The following STAG3 variants were observed in gnomAD, a reference collection of about 807,000 sequenced individuals.
STAG3 encodes the protein STAG3 cohesin complex component, also known as cohesin subunit SA-3.
A neutral mutation model predicts 160.7 loss-of-function variants in STAG3; 101 were observed. That is an observed-to-expected ratio of 0.63 (90% CI 0.54 to 0.74). STAG3 has a LOEUF of 0.74. Among genes scored for constraint, STAG3 ranks in the 30% least tolerant of loss-of-function variants. STAG3 has a pLI of 0.00. For missense variants in STAG3, 1,188 were observed against 1,517.4 expected, an observed-to-expected ratio of 0.78 and a Z score of 3.61; for synonymous variants, 519 against 585.0, an observed-to-expected ratio of 0.89 and a Z score of 1.63.
chr7:100,214,780 T>C (rs1397575519), downstream of STAG3, among the ~76,000 whole-genome samples: 1 of 152,126 alleles, frequency 6.6e-6, no homozygotes, highest in Non-Finnish European at 1.5e-5. Flanking sequence ...TGGAATTTGA[T>C]CAAATCACAG....
At chr7:100,203,941 C>T in intron 25 of STAG3, 80 bp from the exon 26 acceptor site, 2 of 893,570 alleles carry the variant, frequency 2.2e-6, no homozygotes, top group South Asian at 1.4e-5. Context: ...GGGAGGGAGA[C>T]ATGATTAGGG....
chr7:100,188,515 G>C lies in STAG3; in HGVS notation c.496G>C (p.Glu166Gln). The part of the protein sequence containing the change: ...SNSEIIQHLT[E>Q]QFNEDSGDYP... ...CTCAGAGATCATCCAGCACCTAACA[G>C]AGCAGTTTAATGAGGTGGAAGAAGA... Residue 166 changes from glutamate to glutamine, a missense_variant, in exon 6 of 34, where the codon GAG becomes CAG. Physicochemically the swap from Glu to Gln is conservative, Grantham distance 29 (BLOSUM62 2). Around this residue, in one of 4 missense-constraint regions of STAG3, gnomAD observed 296 missense variants for 404.0 expected, o/e 0.73. Transcript: ENST00000615138. 1 of 1,613,258 alleles carries C rather than the reference G, an allele frequency of 6.2e-7. No homozygotes were observed. Among genetic ancestry groups the C allele is most frequent in the Non-Finnish European group, 8.5e-7 (1 of 1,179,186 alleles).
intron 11 of STAG3, 84 bp from the exon 12 acceptor site, chr7:100,198,003 C>T: frequency 6.5e-7 from 1 of 1,538,402 alleles, no homozygotes. Context: ...CGTAGGCACT[C>T]TCTTTAGGAG....
chr7:100,212,084 C>CAAAA, intron 32 of STAG3: 1 of 506,274 alleles, frequency 2.0e-6, no homozygotes, highest in East Asian at 3.3e-5. Context: ...ATTACAAATA[C>CAAAA]CAAAGAAGGT....
In STAG3 at chr7:100,186,233, C is replaced by T. The variant is rs745709659; in HGVS notation, c.370C>T (p.Gln124Ter). Reference protein sequence around the residue: ...LVDEWLDSYKQDQDAGFLELV... With the variant: ...LVDEWLDSYK ...AGATGAGTGGCTGGATAGCTACAAG[C>T]AAGACCAGGATGCAGGATTTCTGGA... is the stretch of plus-strand genomic sequence containing the variant. Residue 124 changes from glutamine to a stop codon, truncating the protein, a stop_gained, in exon 5 of 34, where the codon CAA becomes TAA. Coordinates refer to ENST00000615138, the MANE Select transcript of STAG3 (RefSeq NM_001282717.2). LOFTEE classifies it high-confidence loss of function. 2 of 1,613,948 alleles carry T rather than the reference C, an allele frequency of 1.2e-6. No homozygotes were observed. The highest frequency in any genetic ancestry group is 2.7e-5 in the African/African-American group (2 of 74,890).
Position 100,211,510 on chromosome 7 carries a change from A to G in STAG3, c.3489A>G (p.Ser1163=), listed in dbSNP as rs763041959. The G allele has an allele frequency of 1.2e-6, 2 of 1,613,090 alleles. No individual in the cohort carries two copies. Among genetic ancestry groups the G allele is most frequent in the African/African-American group, 2.7e-5 (2 of 74,586 alleles). The part of the protein sequence containing the change: ...PQYFQTPHNP[S]GPGLGNQLMR... Reference sequence around the variant, plus strand: ...ATTTCCAGACTCCACACAACCCTTCAGGTCCTGGCCTGGGCAACCAGCTGA... The same window carrying G: ...ATTTCCAGACTCCACACAACCCTTCGGGTCCTGGCCTGGGCAACCAGCTGA... Residue 1163 remains serine, a synonymous_variant, in exon 31 of 34, where the codon TCA becomes TCG. Transcript: ENST00000615138.
intron 8 of STAG3, among the ~76,000 whole-genome samples, chr7:100,194,862 G>T (rs780037197): frequency 6.6e-6 from 1 of 152,110 alleles, no homozygotes; most frequent in Non-Finnish European, 1.5e-5. Context: ...TAATGAAAAG[G>T]TTTGAAATAT....
In STAG3 at chr7:100,211,117, C is replaced by A; in HGVS notation, c.3345C>A (p.Ser1115Arg). The A allele has an allele frequency of 6.2e-7, 1 of 1,610,780 alleles. No individual in the cohort carries two copies. The highest frequency in any genetic ancestry group is 8.5e-7 in the Non-Finnish European group (1 of 1,178,686). ...CCCTCACCTCCACAGCTGTGAAGAG[C>A]AGGCAGCCCCTGTGGGGGTTGAAAG... ...TPTLTSTAVK[S>R]RQPLWGLKEM... The change falls in exon 30 of 34, where the codon AGC (serine) becomes AGA (arginine). Residue 1115 changes from serine (S) to arginine (R), a missense_variant. Transcript: ENST00000615138.
At chr7:100,192,190 C>T (rs997042765) in intron 8 of STAG3, among the ~76,000 whole-genome samples, 4 of 152,194 alleles carry the variant, frequency 2.6e-5, no homozygotes, top group African/African-American at 9.6e-5. Context: ...GATATTTTGA[C>T]CTCTTCCCAT....
At chr7:100,179,550 A>G (rs1452807036) in intron 1 of STAG3, among the ~76,000 whole-genome samples, 2 of 151,448 alleles carry the variant, frequency 1.3e-5, no homozygotes, top group African/African-American at 2.4e-5. Context: ...TAAAGAAAAT[A>G]CCTATGAGTT....
chr7:100,180,078 GTCT>G (rs1416737719), intron 1 of STAG3, among the ~76,000 whole-genome samples: 2 of 151,520 alleles, frequency 1.3e-5, no homozygotes, highest in South Asian at 2.1e-4. Flanking sequence ...GGGGGACAGG[GTCT>G]TCTTCTGTCA....
At chr7:100,178,345 C>A (rs538253190) in intron 1 of STAG3, among the ~76,000 whole-genome samples, 192 of 152,286 alleles carry the variant, frequency 1.3e-3, no homozygotes, top group African/African-American at 4.3e-3. Flanking sequence ...CATGGCGCCT[C>A]CACCCCCAAA....
intron 32 of STAG3, 137 bp from the exon 33 acceptor site, chr7:100,213,598 C>G: frequency 1.3e-6 from 2 of 1,497,542 alleles, no homozygotes; most frequent in Non-Finnish European, 1.8e-6. Context: ...ACACTGACTT[C>G]CCTCCCAGGA....
chr7:100,208,638 C>T (rs1355619230), intron 29 of STAG3, among the ~76,000 whole-genome samples: 1 of 152,166 alleles, frequency 6.6e-6, no homozygotes, highest in Non-Finnish European at 1.5e-5. Context: ...ACATAGATCG[C>T]TCTGCCTAAA....
In STAG3 at chr7:100,211,115, A is replaced by G; in HGVS notation, c.3343A>G (p.Ser1115Gly). 1 of 1,610,016 alleles carries G rather than the reference A, an allele frequency of 6.2e-7. No homozygotes were observed. Among genetic ancestry groups the G allele is most frequent in the Non-Finnish European group, 8.5e-7 (1 of 1,178,188 alleles). The change falls in exon 30 of 34, where the codon AGC (serine) becomes GGC (glycine). Residue 1115 changes from serine to glycine, a missense_variant. Coordinates refer to ENST00000615138, the MANE Select transcript of STAG3 (RefSeq NM_001282717.2). ...TPTLTSTAVK[S>G]RQPLWGLKEM... is the part of the protein sequence containing the mutation. ...CACCCTCACCTCCACAGCTGTGAAG[A>G]GCAGGCAGCCCCTGTGGGGGTTGAA...
downstream of STAG3, among the ~76,000 whole-genome samples, chr7:100,215,389 T>C (rs1446859988): frequency 1.3e-5 from 2 of 151,398 alleles, no homozygotes; most frequent in Non-Finnish European, 2.9e-5. Context: ...AGAAATTGGG[T>C]TGAGTCTCCT....
intron 21 of STAG3, 127 bp downstream of exon 21, chr7:100,201,478 G>A (rs1375242653): frequency 7.6e-6 from 6 of 789,080 alleles, no homozygotes; most frequent in Non-Finnish European, 8.3e-6. Flanking sequence ...AGATCAGGTG[G>A]GTGGGGGTCA....
Position 100,214,016 on chromosome 7 carries a change from C to T in STAG3, c.*1C>T. On this transcript the variant is annotated 3_prime_UTR_variant, in exon 34 of 34. Coordinates refer to ENST00000615138, the MANE Select transcript of STAG3 (RefSeq NM_001282717.2). The stretch of plus-strand genomic sequence containing the variant: ...ATCTTTCTCATTATAGGATTTCTGA[C>T]AGGACTCTGGGCCCCTCCCCAGCTC... The T allele has an allele frequency of 6.2e-7, 1 of 1,614,138 alleles. No homozygotes were observed. The highest frequency in any genetic ancestry group is 8.5e-7 in the Non-Finnish European group (1 of 1,180,022).
intron 5 of STAG3, among the ~76,000 whole-genome samples, chr7:100,187,950 G>T (rs1198041597): frequency 6.6e-6 from 1 of 152,034 alleles, no homozygotes; most frequent in African/African-American, 2.4e-5. Flanking sequence ...TAGAGACGGG[G>T]TTTCACCATG....
Sources: allele counts gnomAD v4.1 joint callset (sites outside exome capture counted in the v4.1 genomes callset), GRCh38; gene constraint gnomAD v4.1.1; regional missense constraint gnomAD v4.1.1; transcripts MANE v1.5; gene names NCBI Gene and HGNC (gene_info 2026-07-23, HGNC 2026-07-21).